ZNF503: variants seen among roughly 807,000 people sequenced by gnomAD.
The protein encoded by ZNF503 is zinc finger protein 503, also known as NocA-like zinc finger 2.
Under a neutral mutation model 34.4 loss-of-function variants are expected in ZNF503, and 15 were observed. That is an observed-to-expected ratio of 0.44 (90% confidence interval 0.29 to 0.67). The LOEUF is 0.67. Among genes scored for constraint, ZNF503 ranks in the 30% least tolerant of loss-of-function variants. The probability of loss-of-function intolerance (pLI) is 0.13; values close to 1 mark genes in which losing one functional copy is unlikely to be tolerated. For synonymous variants in ZNF503, 580 were observed against 456.8 expected (o/e 1.27, Z -3.44); for missense variants, 1,007 against 926.8 (o/e 1.09, Z -1.12).
intron 1 of ZNF503, 75 bp from the exon 2 acceptor site, chr10:75,400,449 G>A: frequency 6.8e-7 from 1 of 1,480,904 alleles, no homozygotes. Flanking sequence ...CTGGCTTCTG[G>A]GGTTCAAATG....
chr10:75,394,116 G>T (rs575021232), downstream of ZNF503, among the ~76,000 whole-genome samples: 5 of 152,296 alleles, frequency 3.3e-5, no homozygotes, highest in South Asian at 1.0e-3. Flanking sequence ...TCTTTCCGCT[G>T]CTGAGCCTCA....
At chr10:75,342,515 A>G in the ZNF503 span, among the ~76,000 whole-genome samples, 4 of 152,120 alleles carry the variant, frequency 2.6e-5, no homozygotes, top group Admixed American at 6.6e-5. Context: ...TGTTATTTCA[A>G]ATTGTTAACC....
chr10:75,322,402 G>A, the ZNF503 span, among the ~76,000 whole-genome samples: 1 of 152,124 alleles, frequency 6.6e-6, no homozygotes, highest in Non-Finnish European at 1.5e-5. Flanking sequence ...GATTACAGAT[G>A]TAAGCCACCA....
chr10:75,389,559 A>G, the ZNF503 span, among the ~76,000 whole-genome samples: 1 of 152,112 alleles, frequency 6.6e-6, no homozygotes, highest in Non-Finnish European at 1.5e-5. Flanking sequence ...GTGAAACCCC[A>G]TCTCTACTAA....
At chr10:75,341,079 T>G in the ZNF503 span, among the ~76,000 whole-genome samples, 2 of 152,234 alleles carry the variant, frequency 1.3e-5, no homozygotes, top group Non-Finnish European at 2.9e-5. Context: ...ACGCCCAGTT[T>G]TACACAGGTT....
the ZNF503 span, among the ~76,000 whole-genome samples, chr10:75,339,852 G>A: frequency 6.6e-6 from 1 of 152,070 alleles, no homozygotes; most frequent in East Asian, 1.9e-4. Flanking sequence ...AGACTCTCTG[G>A]TTCAGAATGT....
the ZNF503 span, among the ~76,000 whole-genome samples, chr10:75,392,222 G>T: frequency 1.3e-5 from 2 of 152,174 alleles, no homozygotes; most frequent in African/African-American, 2.4e-5. Flanking sequence ...TATTATTCTT[G>T]TTGGCAATGT....
the ZNF503 span, among the ~76,000 whole-genome samples, chr10:75,291,889 C>T: frequency 3.3e-5 from 5 of 152,356 alleles, no homozygotes; most frequent in South Asian, 2.1e-4. Context: ...TGGCTTTCTG[C>T]TGGATGGCAG....
chr10:75,325,433 T>G, the ZNF503 span, among the ~76,000 whole-genome samples: 2 of 152,146 alleles, frequency 1.3e-5, no homozygotes, highest in African/African-American at 4.8e-5. Context: ...GCTCAAGTGA[T>G]CCTCTTGCCT....
the ZNF503 span, among the ~76,000 whole-genome samples, chr10:75,293,131 G>A: frequency 6.6e-6 from 1 of 152,198 alleles, no homozygotes; most frequent in African/African-American, 2.4e-5. Context: ...TAGCTGGCCT[G>A]TAGGGGCAGT....
At chr10:75,397,367 C>T (rs1327072971), downstream of ZNF503, among the ~76,000 whole-genome samples, 1 of 152,218 alleles carries the variant, frequency 6.6e-6, no homozygotes, top group African/African-American at 2.4e-5. Context: ...AGCGCCCCTC[C>T]GCCTCCCAGT....
the ZNF503 span, among the ~76,000 whole-genome samples, chr10:75,329,406 CTTCCTTCCT>C: frequency 1.2e-5 from 1 of 81,512 alleles, no homozygotes; most frequent in African/African-American, 4.8e-5. Flanking sequence ...TCCTTCCTTC[CTTCCTTCCT>C]TTCCTTCCTT....
the ZNF503 span, among the ~76,000 whole-genome samples, chr10:75,379,420 T>C: frequency 6.6e-6 from 1 of 152,242 alleles, no homozygotes; most frequent in South Asian, 2.1e-4. Flanking sequence ...AGTAGATCTG[T>C]TTACGAGCTG....
the ZNF503 span, among the ~76,000 whole-genome samples, chr10:75,312,443 A>C: frequency 6.6e-6 from 1 of 152,208 alleles, no homozygotes; most frequent in Non-Finnish European, 1.5e-5. Flanking sequence ...AATAAAATAG[A>C]CTAAAAAATC....
chr10:75,388,229 A>G, the ZNF503 span, among the ~76,000 whole-genome samples: 1 of 152,232 alleles, frequency 6.6e-6, no homozygotes, highest in African/African-American at 2.4e-5. Context: ...AGGTGGGGCC[A>G]GTGGTGAGCT....
the ZNF503 span, among the ~76,000 whole-genome samples, chr10:75,293,669 ATG>A: frequency 6.6e-6 from 1 of 150,734 alleles, no homozygotes; most frequent in African/African-American, 2.4e-5. Context: ...GTGTGTGCGC[ATG>A]TGTGTGTGTG....
At chr10:75,325,979 C>T in the ZNF503 span, among the ~76,000 whole-genome samples, 1 of 152,116 alleles carries the variant, frequency 6.6e-6, no homozygotes, top group Non-Finnish European at 1.5e-5. Context: ...CCGCCTTGGC[C>T]TCCCTCAGTG....
At chr10:75,329,477 T>C in the ZNF503 span, among the ~76,000 whole-genome samples, 717 of 150,744 alleles carry the variant, frequency 4.8e-3, 9 homozygotes, top group African/African-American at 0.016. Context: ...TTCTTTCTTT[T>C]TGTTACAGAC....
At chr10:75,391,858 A>G in the ZNF503 span, among the ~76,000 whole-genome samples, 1 of 151,876 alleles carries the variant, frequency 6.6e-6, no homozygotes, top group East Asian at 1.9e-4. Flanking sequence ...GCTAGCTGCC[A>G]TGATTAGAAG....
Sources: allele counts gnomAD v4.1 joint callset (sites outside exome capture counted in the v4.1 genomes callset), GRCh38; gene constraint gnomAD v4.1.1; transcripts MANE v1.5; gene names NCBI Gene and HGNC (gene_info 2026-07-23, HGNC 2026-07-21).